AMDHD1: variants seen among roughly 807,000 people sequenced by gnomAD.
AMDHD1 encodes probable imidazolonepropionase.
In AMDHD1, 45 loss-of-function variants were observed where a neutral mutation model predicts 44.1. The observed-to-expected ratio is 1.02, with a 90% CI of 0.80 to 1.31. AMDHD1 has a LOEUF of 1.31. Ranked by LOEUF, AMDHD1 falls within the 50% of genes most tolerant of loss-of-function variation. The probability of loss-of-function intolerance (pLI) is 0.00; values close to 1 mark genes in which losing one functional copy is unlikely to be tolerated. For missense variants in AMDHD1, 586 were observed against 552.1 expected, an observed-to-expected ratio of 1.06 and a Z score of -0.61; for synonymous variants, 206 against 205.0, an observed-to-expected ratio of 1.00 and a Z score of -0.04.
chr12:95,951,425 CTT>C (rs35865666), intron 1 of AMDHD1, among the ~76,000 whole-genome samples: 1 of 152,170 alleles, frequency 6.6e-6, no homozygotes, highest in Non-Finnish European at 1.5e-5. Flanking sequence ...GAATCTCACT[CTT>C]TTTTATGGCT....
intron 3 of AMDHD1, 168 bp from the exon 4 acceptor site, chr12:95,956,517 T>A (rs1340250134): frequency 2.3e-6 from 2 of 873,468 alleles, no homozygotes; most frequent in Non-Finnish European, 3.4e-6. Context: ...TCTGGCAGAC[T>A]AGGGGCTTCC....
At chr12:95,945,786 T>G (rs1194872742) in intron 1 of AMDHD1, among the ~76,000 whole-genome samples, 1 of 95,602 alleles carries the variant, frequency 1.0e-5, no homozygotes, top group East Asian at 6.4e-4. Context: ...AGTGTGTGTT[T>G]TTTTTTTTCC....
chr12:95,951,048 A>G (rs907823005), intron 1 of AMDHD1, among the ~76,000 whole-genome samples: 1 of 152,190 alleles, frequency 6.6e-6, no homozygotes, highest in African/African-American at 2.4e-5. Flanking sequence ...TGGGGTTTCC[A>G]TCATCTCAAG....
In AMDHD1 at chr12:95,954,933, T is replaced by G. The variant is rs1251739752; in HGVS notation, c.267T>G (p.His89Gln). ...ILPGLVDAHTHPVWAGERVHE... is the reference protein window; with the variant it reads ...ILPGLVDAHTQPVWAGERVHE... The stretch of plus-strand genomic sequence containing the variant: ...TAGGTTTGGTGGATGCACACACACA[T>G]CCAGTATGGGCTGGTGAAAGAGTTC... Residue 89 changes from histidine to glutamine, a missense_variant, in exon 3 of 9, where the codon CAT becomes CAG. By Grantham distance (24) the His-to-Gln change is conservative. Transcript: ENST00000266736. The G allele has an allele frequency of 3.1e-6, 5 of 1,614,120 alleles. No individual in the cohort carries two copies. The highest frequency in any genetic ancestry group is 4.2e-6 in the Non-Finnish European group (5 of 1,180,018).
chr12:95,960,317 G>A, intron 4 of AMDHD1, 81 bp from the exon 5 acceptor site: 1 of 1,252,636 alleles, frequency 8.0e-7, no homozygotes, highest in Non-Finnish European at 1.1e-6. Flanking sequence ...TGCTCCTCAG[G>A]TTCTTCAAGT....
chr12:95,962,039 A>C (rs1449918731), intron 5 of AMDHD1, among the ~76,000 whole-genome samples: 3 of 152,170 alleles, frequency 2.0e-5, no homozygotes, highest in Admixed American at 6.5e-5. Context: ...AGTCCGAGGC[A>C]GGCGGATCAC....
chr12:95,963,720 A>T (rs544899758), intron 6 of AMDHD1, among the ~76,000 whole-genome samples: 1 of 152,084 alleles, frequency 6.6e-6, no homozygotes, highest in East Asian at 1.9e-4. Flanking sequence ...TTTGTTTTTT[A>T]TTTTTTTGGA....
chr12:95,946,456 T>G (rs1379755383), intron 1 of AMDHD1, among the ~76,000 whole-genome samples: 2 of 152,084 alleles, frequency 1.3e-5, no homozygotes, highest in African/African-American at 2.4e-5. Context: ...TAAGACTGGT[T>G]CAGACCTCAA....
At chr12:95,944,252 A>G (rs77451032) in intron 1 of AMDHD1, among the ~76,000 whole-genome samples, 16,829 of 152,100 alleles carry the variant, frequency 0.11, 1,248 homozygotes, top group Non-Finnish European at 0.17. Context: ...AGTCTCACAA[A>G]CTGACCACGG....
At chr12:95,948,541 G>T (rs1459307263) in intron 1 of AMDHD1, among the ~76,000 whole-genome samples, 1 of 82,320 alleles carries the variant, frequency 1.2e-5, no homozygotes, top group Non-Finnish European at 2.4e-5. Context: ...AGGGAGGTGG[G>T]GGGGGGGTCA....
chr12:95,952,454 T>C (rs182589557), intron 1 of AMDHD1, among the ~76,000 whole-genome samples: 1 of 152,330 alleles, frequency 6.6e-6, no homozygotes, highest in Admixed American at 6.5e-5. Flanking sequence ...TTGGTTACTA[T>C]AGTTCTGTAG....
intron 1 of AMDHD1, among the ~76,000 whole-genome samples, chr12:95,945,626 C>T (rs940815003): frequency 2.6e-5 from 4 of 152,142 alleles, no homozygotes; most frequent in Non-Finnish European, 5.9e-5. Flanking sequence ...CCTGTGTGTT[C>T]AAGGACAACT....
At chr12:95,964,193 G>C (rs2080597164) in intron 6 of AMDHD1, among the ~76,000 whole-genome samples, 1 of 152,084 alleles carries the variant, frequency 6.6e-6, no homozygotes, top group African/African-American at 2.4e-5. Context: ...CCACAGACAG[G>C]TTTAGCCTCC....
chr12:95,965,637 T>C (rs1328136194), intron 6 of AMDHD1, 49 bp from the exon 7 acceptor site: 4 of 1,334,798 alleles, frequency 3.0e-6, no homozygotes, highest in Non-Finnish European at 4.3e-6. Flanking sequence ...ACAGCTATTC[T>C]ACAAAAGCTC....
At chr12:95,954,203 T>C (rs1379216076) in intron 2 of AMDHD1, among the ~76,000 whole-genome samples, 1 of 152,192 alleles carries the variant, frequency 6.6e-6, no homozygotes, top group East Asian at 1.9e-4. Flanking sequence ...TGTAGTATTG[T>C]TTTCATATCC....
At chr12:95,945,632 C>T (rs749096106) in intron 1 of AMDHD1, among the ~76,000 whole-genome samples, 4 of 152,166 alleles carry the variant, frequency 2.6e-5, no homozygotes, top group Non-Finnish European at 4.4e-5. Flanking sequence ...TGTTCAAGGA[C>T]AACTTAATCC....
At chr12:95,948,099 G>A (rs1234143499) in intron 1 of AMDHD1, among the ~76,000 whole-genome samples, 2 of 61,636 alleles carry the variant, frequency 3.2e-5, no homozygotes, top group East Asian at 2.5e-3. Context: ...GCCTCTGCCC[G>A]GCCGCCCCTA....
At chr12:95,945,842 T>G (rs577771024) in intron 1 of AMDHD1, among the ~76,000 whole-genome samples, 1 of 152,082 alleles carries the variant, frequency 6.6e-6, no homozygotes, top group South Asian at 2.1e-4. Flanking sequence ...AGAATGAATC[T>G]CAGTAAGATC....
At chr12:95,959,654 A>G (rs2080569901) in intron 4 of AMDHD1, among the ~76,000 whole-genome samples, 1 of 152,164 alleles carries the variant, frequency 6.6e-6, no homozygotes, top group Admixed American at 6.5e-5. Flanking sequence ...CAGAAAGCTA[A>G]GGCAGGTGCT....
Sources: allele counts gnomAD v4.1 joint callset (sites outside exome capture counted in the v4.1 genomes callset), GRCh38; gene constraint gnomAD v4.1.1; transcripts MANE v1.5; gene names NCBI Gene and HGNC (gene_info 2026-07-23, HGNC 2026-07-21).